Variants in PTPN21 observed in about 807,000 individuals in gnomAD.
PTPN21 encodes protein tyrosine phosphatase non-receptor type 21, also known as tyrosine-protein phosphatase non-receptor type 21.
In PTPN21, 77 loss-of-function variants were observed where a neutral mutation model predicts 131.8. That is an observed-to-expected ratio of 0.58 (90% CI 0.49 to 0.71). The LOEUF (loss-of-function observed/expected upper bound fraction) is 0.71. Ranked by LOEUF, PTPN21 falls within the 30% of genes least tolerant of loss-of-function variation. The pLI is 0.00. For missense variants in PTPN21, 1,552 were observed against 1,527.1 expected (o/e 1.02, Z -0.27); for synonymous variants, 715 against 621.3 (o/e 1.15, Z -2.24).
At chr14:88,480,566 G>C (rs1410026098) in intron 12 of PTPN21, among the ~76,000 whole-genome samples, 1 of 152,120 alleles carries the variant, frequency 6.6e-6, no homozygotes, top group Non-Finnish European at 1.5e-5. Context: ...CTTAAGGGGT[G>C]GCATTCATTG....
intron 2 of PTPN21, among the ~76,000 whole-genome samples, chr14:88,540,590 T>C (rs935078328): frequency 1.3e-4 from 20 of 152,250 alleles, no homozygotes; most frequent in Admixed American, 6.5e-5. Flanking sequence ...GAAAATTCAC[T>C]TGACATTGAG....
At position 88,516,969 on chromosome 14, in the gene PTPN21, C is replaced by T. The variant is rs895708000; in HGVS notation, c.350+123G>A. The T allele has an allele frequency of 2.8e-5, 31 of 1,096,754 alleles. No homozygotes were observed. In the African/African-American group the frequency reaches 3.8e-4, roughly 13 times the overall value. 67.9% of individuals were successfully genotyped at this position (1,096,754 alleles called of 1,614,324 possible). On this transcript the variant is annotated intron_variant, in intron 3 of 18. Transcript: ENST00000556564. The stretch of plus-strand genomic sequence containing the variant: ...ACATATGAGAATCTCTTTGTAACAC[C>T]GTGGCTAAAAATGTGGGGCGAGAGG...
intron 10 of PTPN21, among the ~76,000 whole-genome samples, chr14:88,487,606 T>TA (rs1374424729): frequency 2.0e-5 from 3 of 152,174 alleles, no homozygotes; most frequent in African/African-American, 7.2e-5. Flanking sequence ...CTAGCTTTTA[T>TA]AAATAATTTC....
chr14:88,476,209 G>A (rs534252622), intron 13 of PTPN21, among the ~76,000 whole-genome samples: 14 of 152,096 alleles, frequency 9.2e-5, no homozygotes, highest in Non-Finnish European at 1.6e-4. Flanking sequence ...TTGTTGTAAC[G>A]ATTAAGATAA....
At chr14:88,533,226 C>A (rs942082496) in intron 2 of PTPN21, among the ~76,000 whole-genome samples, 2 of 152,150 alleles carry the variant, frequency 1.3e-5, no homozygotes, top group South Asian at 2.1e-4. Flanking sequence ...TGTTTTGGTA[C>A]CTGCTGTTAT....
intron 13 of PTPN21, among the ~76,000 whole-genome samples, chr14:88,475,372 T>C (rs962686124): frequency 6.6e-6 from 1 of 152,188 alleles, no homozygotes; most frequent in African/African-American, 2.4e-5. Flanking sequence ...AGTGGATTAA[T>C]TTTTAATTTT....
chr14:88,496,578 G>T, intron 9 of PTPN21, 86 bp from the exon 10 acceptor site: 2 of 1,011,336 alleles, frequency 2.0e-6, no homozygotes, highest in South Asian at 1.3e-5. Context: ...AAGACATAAT[G>T]GGTGACATCA....
chr14:88,535,293 G>A (rs990926672), intron 2 of PTPN21, among the ~76,000 whole-genome samples: 1 of 152,148 alleles, frequency 6.6e-6, no homozygotes. Flanking sequence ...CAATGAAATT[G>A]CCTAACGAAT....
At chr14:88,505,068 A>G (rs921670453) in intron 5 of PTPN21, among the ~76,000 whole-genome samples, 4 of 152,154 alleles carry the variant, frequency 2.6e-5, no homozygotes, top group Non-Finnish European at 5.9e-5. Flanking sequence ...ATAGAAAACA[A>G]ATGTCTCCAG....
chr14:88,477,407 C>T (rs1350671268), intron 13 of PTPN21, among the ~76,000 whole-genome samples: 1 of 134,692 alleles, frequency 7.4e-6, no homozygotes, highest in Non-Finnish European at 1.5e-5. Context: ...TGAGATCACA[C>T]CACTGCACTC....
chr14:88,490,502 G>T (rs1422961526), intron 10 of PTPN21, among the ~76,000 whole-genome samples: 1 of 152,084 alleles, frequency 6.6e-6, no homozygotes, highest in African/African-American at 2.4e-5. Flanking sequence ...GGATCCATGG[G>T]AACTACTGGG....
chr14:88,506,126 G>A (rs540433356), intron 4 of PTPN21, among the ~76,000 whole-genome samples: 1 of 152,104 alleles, frequency 6.6e-6, no homozygotes, highest in Non-Finnish European at 1.5e-5. Context: ...GATAGCTTGA[G>A]CCAAAGAGTC....
rs561177629 is a variant in PTPN21 at position 88,523,330 on chromosome 14, GA to G, written c.181-6070del. On this transcript the variant is annotated intron_variant, in intron 2 of 18. Transcript: ENST00000556564. ...ATTATACCATATTACTAAGACAAAA[GA>G]AAAAAAACACACATGATCATCTCAA... Among the ~76,000 whole-genome samples the G allele has an allele frequency of 5.3e-5, 8 of 151,022 alleles. No homozygotes were observed. In the South Asian group the frequency reaches 1.0e-3, roughly 20 times the overall value.
chr14:88,510,048 A>T (rs1245868662), intron 3 of PTPN21, among the ~76,000 whole-genome samples: 1 of 152,208 alleles, frequency 6.6e-6, no homozygotes, highest in Non-Finnish European at 1.5e-5. Context: ...AACAAAAAAC[A>T]AAAAACATGA....
rs2078906074 is a variant in PTPN21 at position 88,554,994 on chromosome 14, C to A, written c.-546G>T. On this transcript the variant is annotated 5_prime_UTR_variant, in exon 1 of 19. Transcript: ENST00000556564. ...ACGCGCGGCCGGAGCAGCGGGGCGG[C>A]CGGGCCCAGGCGTCCCTCCCCCTGA... Among the ~76,000 whole-genome samples the A allele has an allele frequency of 6.8e-6, 1 of 146,660 alleles. No homozygotes were observed. Among genetic ancestry groups the A allele is most frequent in the Non-Finnish European group, 1.5e-5 (1 of 65,884 alleles).
At position 88,488,214 on chromosome 14, in the gene PTPN21, T is replaced by C. The variant is rs554229404; in HGVS notation, c.933-2372A>G. The stretch of plus-strand genomic sequence containing the variant: ...TCTCTGTCAACAAACTCCAACAACA[T>C]GTCTACAGTTGCCCAGCCTGGGGCA... On this transcript the variant is annotated intron_variant, in intron 10 of 18. Coordinates refer to ENST00000556564, the MANE Select transcript of PTPN21 (RefSeq NM_007039.4). 3.9e-5 allele frequency among the ~76,000 whole-genome samples: 6 copies of C among 152,176 alleles called. No homozygotes were observed. In the East Asian group the frequency reaches 1.2e-3, roughly 29 times the overall value.
chr14:88,530,929 AC>A (rs1219081909), intron 2 of PTPN21, among the ~76,000 whole-genome samples: 4 of 152,226 alleles, frequency 2.6e-5, no homozygotes, highest in Admixed American at 6.5e-5. Flanking sequence ...ATACCCTAGA[AC>A]AAATGGATTT....
At chr14:88,510,946 T>C (rs2078169111) in intron 3 of PTPN21, among the ~76,000 whole-genome samples, 1 of 151,010 alleles carries the variant, frequency 6.6e-6, no homozygotes, top group Non-Finnish European at 1.5e-5. Context: ...AGGGTCTTGC[T>C]CTATAGCCCA....
chr14:88,473,912 G>C, intron 13 of PTPN21, 110 bp from the exon 14 acceptor site: 1 of 924,918 alleles, frequency 1.1e-6, no homozygotes, highest in Non-Finnish European at 1.6e-6. Flanking sequence ...GTTCTCCTTT[G>C]CCAATAAACC....
Sources: gnomAD v4.1 joint callset for allele counts (sites outside exome capture counted in the v4.1 genomes callset) on GRCh38, gnomAD v4.1.1 for gene constraint, MANE v1.5 for transcripts, NCBI Gene and HGNC (gene_info 2026-07-23, HGNC 2026-07-21) for gene names.